The following TASP1 variants were observed in gnomAD, a reference collection of about 807,000 sequenced individuals.
The protein encoded by TASP1 is threonine aspartase 1.
In TASP1, 16 loss-of-function variants were observed where a neutral mutation model predicts 56.6. That is an observed-to-expected ratio of 0.28 (90% confidence interval 0.19 to 0.43). The LOEUF is 0.43. TASP1 is among the 20% of genes least tolerant of loss of function. TASP1 has a pLI of 1.00. For synonymous variants in TASP1, 179 were observed against 184.2 expected, an observed-to-expected ratio of 0.97 and a Z score of 0.23; for missense variants, 393 against 511.6, an observed-to-expected ratio of 0.77 and a Z score of 2.24.
chr20:13,560,052 C>T (rs529992639), intron 7 of TASP1, among the ~76,000 whole-genome samples: 13 of 152,212 alleles, frequency 8.5e-5, no homozygotes, highest in African/African-American at 2.9e-4. Context: ...ACTGACTAGG[C>T]TGAATTGAAG....
chr20:13,346,835 C>G, the TASP1 span, among the ~76,000 whole-genome samples: 74 of 152,340 alleles, frequency 4.9e-4, no homozygotes, highest in Admixed American at 3.3e-3. Context: ...TCCAGGAGGG[C>G]ATTTCAATAC....
At chr20:13,541,164 GA>G (rs1469029149) in intron 8 of TASP1, among the ~76,000 whole-genome samples, 8 of 151,586 alleles carry the variant, frequency 5.3e-5, no homozygotes, top group Admixed American at 1.3e-4. Flanking sequence ...AGCACTGATA[GA>G]AAACAAGAAT....
intron 13 of TASP1, among the ~76,000 whole-genome samples, chr20:13,397,238 T>C (rs1443620978): frequency 2.0e-5 from 3 of 152,234 alleles, no homozygotes; most frequent in Admixed American, 6.5e-5. Context: ...GAATGAAACA[T>C]GGATCTCGCT....
chr20:13,361,262 T>C, the TASP1 span, among the ~76,000 whole-genome samples: 7 of 152,296 alleles, frequency 4.6e-5, no homozygotes, highest in South Asian at 2.1e-4. Context: ...GCCTTCCCTA[T>C]AGGGTCTGAG....
chr20:13,588,310 A>AAGGAAGGAAGGAAGGAAGG (rs1568618336), intron 4 of TASP1, among the ~76,000 whole-genome samples: 9 of 101,712 alleles, frequency 8.8e-5, no homozygotes, highest in Non-Finnish European at 1.6e-4. Context: ...AGGAAGGAAG[A>AAGGAAGGAAGGAAGGAAGG]GAAAGAAAAG....
chr20:13,588,240 A>G (rs909626025), intron 4 of TASP1, among the ~76,000 whole-genome samples: 1 of 134,190 alleles, frequency 7.5e-6, no homozygotes, highest in African/African-American at 3.0e-5. Flanking sequence ...GGAGAAAGAA[A>G]GAAAGGAAGA....
chr20:13,155,796 A>T, the TASP1 span, among the ~76,000 whole-genome samples: 1 of 152,300 alleles, frequency 6.6e-6, no homozygotes, highest in Middle Eastern at 3.4e-3. Flanking sequence ...ACTGCACTCT[A>T]GCCAGGGCAA....
At chr20:13,154,050 CAA>C in the TASP1 span, 2 of 1,614,144 alleles carry the variant, frequency 1.2e-6, no homozygotes, top group Non-Finnish European at 1.7e-6. Context: ...ATACTTCAGA[CAA>C]AGACTGCAGG....
At chr20:13,428,601 T>C (rs1298093586) in intron 12 of TASP1, among the ~76,000 whole-genome samples, 1 of 152,166 alleles carries the variant, frequency 6.6e-6, no homozygotes, top group Non-Finnish European at 1.5e-5. Context: ...ATCAGCGATT[T>C]GTAGGCTGGG....
At chr20:13,239,005 C>T in the TASP1 span, 2 of 152,202 alleles carry the variant, frequency 1.3e-5, no homozygotes, top group African/African-American at 4.8e-5. Flanking sequence ...ACTGAGAGCT[C>T]CTTACTGAGA....
At chr20:13,287,259 G>A in the TASP1 span, among the ~76,000 whole-genome samples, 1 of 152,142 alleles carries the variant, frequency 6.6e-6, no homozygotes, top group Non-Finnish European at 1.5e-5. Flanking sequence ...AAGAGCAAAG[G>A]GACATCTTAC....
At chr20:13,391,768 C>A (rs2041290562) in intron 13 of TASP1, among the ~76,000 whole-genome samples, 1 of 151,760 alleles carries the variant, frequency 6.6e-6, no homozygotes, top group South Asian at 2.1e-4. Context: ...GAGATAGAGA[C>A]CATCCTGGCC....
At chr20:13,242,594 T>C in the TASP1 span, among the ~76,000 whole-genome samples, 1 of 152,136 alleles carries the variant, frequency 6.6e-6, no homozygotes, top group Non-Finnish European at 1.5e-5. Context: ...GAGAGCCTGG[T>C]CTCTTGATGG....
At chr20:13,583,300 C>T (rs1428752318) in intron 5 of TASP1, among the ~76,000 whole-genome samples, 5 of 152,242 alleles carry the variant, frequency 3.3e-5, no homozygotes, top group African/African-American at 1.2e-4. Flanking sequence ...ATCCTACTCA[C>T]ACAATGACTG....
At chr20:13,604,214 A>C (rs912988626) in intron 4 of TASP1, among the ~76,000 whole-genome samples, 3 of 152,272 alleles carry the variant, frequency 2.0e-5, no homozygotes, top group African/African-American at 7.2e-5. Flanking sequence ...TCGTACTGAA[A>C]TGTGACCTCC....
the TASP1 span, among the ~76,000 whole-genome samples, chr20:13,217,811 A>G: frequency 2.6e-5 from 4 of 152,240 alleles, no homozygotes; most frequent in African/African-American, 9.6e-5. Context: ...GCTGCTGTGC[A>G]AACATCCCTA....
chr20:13,376,275 T>C, the TASP1 span, among the ~76,000 whole-genome samples: 1 of 152,178 alleles, frequency 6.6e-6, no homozygotes, highest in Non-Finnish European at 1.5e-5. Flanking sequence ...AGGGGTCCAG[T>C]TTCAGTTTTC....
intron 4 of TASP1, among the ~76,000 whole-genome samples, chr20:13,608,061 A>T (rs570884739): frequency 6.6e-6 from 1 of 152,354 alleles, no homozygotes; most frequent in African/African-American, 2.4e-5. Flanking sequence ...GTGGGGAAAA[A>T]GCTTTCGAAA....
chr20:13,187,756 A>G, the TASP1 span, among the ~76,000 whole-genome samples: 1 of 143,840 alleles, frequency 7.0e-6, no homozygotes, highest in African/African-American at 2.6e-5. Context: ...AAAAAAAAAA[A>G]AGACAAGGAA....
Sources: allele counts gnomAD v4.1 joint callset (sites outside exome capture counted in the v4.1 genomes callset), GRCh38; gene constraint gnomAD v4.1.1; transcripts MANE v1.5; gene names NCBI Gene and HGNC (gene_info 2026-07-23, HGNC 2026-07-21).